FAAH2: variants seen among roughly 807,000 people sequenced by gnomAD.
The protein encoded by FAAH2 is fatty acid amide hydrolase 2, also known as fatty-acid amide hydrolase 2.
FAAH2 carries 60 observed loss-of-function variants against 36.9 expected under a neutral mutation model. The observed-to-expected ratio is 1.63, with a 90% CI of 1.32 to 2.02. The LOEUF (loss-of-function observed/expected upper bound fraction) is 2.02, where lower values mean the gene tolerates loss of function less well. Among genes scored for constraint, FAAH2 ranks in the 30% most tolerant of loss-of-function variants. FAAH2 has a pLI of 0.00. For synonymous variants in FAAH2, 214 were observed against 143.8 expected, an observed-to-expected ratio of 1.49 and a Z score of -3.49; for missense variants, 689 against 397.5, an observed-to-expected ratio of 1.73 and a Z score of -6.23.
chrX:57,150,596 T>C, the FAAH2 span, among the ~76,000 whole-genome samples: 2 of 112,053 alleles, frequency 1.8e-5, no homozygotes, highest in Non-Finnish European at 3.8e-5. Context: ...TGCCCTTTTT[T>C]GTTTTCCATT....
chrX:57,391,764 T>C (rs2055171871), intron 7 of FAAH2, among the ~76,000 whole-genome samples: 1 of 111,268 alleles, frequency 9.0e-6, no homozygotes, highest in East Asian at 2.8e-4. Flanking sequence ...ATGTGGGGCC[T>C]CTTTTTTCTT....
chrX:57,294,995 G>A (rs931635682), intron 2 of FAAH2, among the ~76,000 whole-genome samples: 8 of 112,031 alleles, frequency 7.1e-5, no homozygotes, highest in African/African-American at 2.3e-4. Flanking sequence ...GCAAACTGAG[G>A]GAACACCCTA....
At chrX:57,153,465 G>T in the FAAH2 span, among the ~76,000 whole-genome samples, 2 of 111,743 alleles carry the variant, frequency 1.8e-5, no homozygotes, top group Admixed American at 1.9e-4. Context: ...GGTTCTGTGA[G>T]ATTTATGCTT....
At chrX:57,171,228 A>T in the FAAH2 span, among the ~76,000 whole-genome samples, 1 of 111,808 alleles carries the variant, frequency 8.9e-6, no homozygotes, top group African/African-American at 3.3e-5. Context: ...ATACACATAC[A>T]GGTGTCTTTT....
the FAAH2 span, among the ~76,000 whole-genome samples, chrX:57,128,187 A>G: frequency 1.4e-4 from 16 of 111,247 alleles, 1 homozygote; most frequent in Non-Finnish European, 2.8e-4. Context: ...TCTTTTCTCA[A>G]TGTTGCCATA....
At chrX:57,441,581 G>A (rs781058735) in intron 8 of FAAH2, among the ~76,000 whole-genome samples, 1 of 103,678 alleles carries the variant, frequency 9.6e-6, no homozygotes, top group East Asian at 3.0e-4. Flanking sequence ...TTTTTGAAGC[G>A]TTTTTTTTTT....
the FAAH2 span, among the ~76,000 whole-genome samples, chrX:57,131,332 G>A: frequency 9.1e-6 from 1 of 109,766 alleles, no homozygotes; most frequent in East Asian, 2.9e-4. Context: ...TGATCCACCC[G>A]CCTCGGCCTC....
At chrX:57,224,932 G>A in the FAAH2 span, among the ~76,000 whole-genome samples, 1 of 111,767 alleles carries the variant, frequency 8.9e-6, no homozygotes, top group Non-Finnish European at 1.9e-5. Context: ...TGTGTGTAAA[G>A]GTGTTCATAT....
chrX:57,446,071 C>T (rs777293913), intron 8 of FAAH2, among the ~76,000 whole-genome samples: 58 of 112,147 alleles, frequency 5.2e-4, no homozygotes, highest in African/African-American at 1.8e-3. Flanking sequence ...ATAATTTTTC[C>T]CTATGTTGCA....
intron 5 of FAAH2, among the ~76,000 whole-genome samples, chrX:57,363,058 G>T (rs2054324842): frequency 9.0e-6 from 1 of 111,478 alleles, no homozygotes; most frequent in South Asian, 3.8e-4. Context: ...GGCTATTCGG[G>T]CTTTTCTTGG....
chrX:57,468,952 T>G (rs1324916228), intron 10 of FAAH2, among the ~76,000 whole-genome samples: 1 of 111,831 alleles, frequency 8.9e-6, no homozygotes, highest in Non-Finnish European at 1.9e-5. Flanking sequence ...TTCAACATTC[T>G]TAAAGAAAAG....
chrX:57,279,967 C>T, the FAAH2 span, among the ~76,000 whole-genome samples: 1 of 111,876 alleles, frequency 8.9e-6, no homozygotes, highest in African/African-American at 3.2e-5. Context: ...TCCTATTTTA[C>T]ATAGTATTGG....
chrX:57,170,912 G>A, the FAAH2 span, among the ~76,000 whole-genome samples: 1 of 109,009 alleles, frequency 9.2e-6, no homozygotes, highest in Non-Finnish European at 1.9e-5. Flanking sequence ...GTTTCACCAT[G>A]TTGGCCAGGC....
intron 10 of FAAH2, among the ~76,000 whole-genome samples, chrX:57,479,145 G>A (rs975819245): frequency 5.4e-5 from 6 of 111,075 alleles, no homozygotes; most frequent in Non-Finnish European, 1.1e-4. Flanking sequence ...CCATTTTTTT[G>A]TATCCTCTTT....
At chrX:57,225,667 G>A in the FAAH2 span, among the ~76,000 whole-genome samples, 2 of 111,858 alleles carry the variant, frequency 1.8e-5, no homozygotes, top group South Asian at 7.5e-4. Flanking sequence ...TTGTTCCAAG[G>A]TATAGTTTAA....
intron 10 of FAAH2, among the ~76,000 whole-genome samples, chrX:57,477,012 G>T (rs764343737): frequency 3.6e-5 from 4 of 110,307 alleles, no homozygotes; most frequent in Non-Finnish European, 7.6e-5. Context: ...ATTCTCTGAT[G>T]GTAATTTGTA....
chrX:57,408,092 C>CATTATTATT (rs754475679), intron 7 of FAAH2, among the ~76,000 whole-genome samples: 3 of 110,256 alleles, frequency 2.7e-5, no homozygotes, highest in African/African-American at 9.8e-5. Context: ...GATGCTTCCA[C>CATTATTATT]ATTATTATTA....
chrX:57,188,995 C>T, the FAAH2 span, among the ~76,000 whole-genome samples: 2 of 111,499 alleles, frequency 1.8e-5, no homozygotes, highest in Non-Finnish European at 3.8e-5. Flanking sequence ...AACTTGATTC[C>T]ATTCTCCCAG....
intron 7 of FAAH2, among the ~76,000 whole-genome samples, chrX:57,420,581 A>T (rs1211137430): frequency 9.1e-6 from 1 of 110,117 alleles, no homozygotes; most frequent in African/African-American, 3.3e-5. Flanking sequence ...GTATCCTGAG[A>T]CTTTGCTGAA....
Sources: allele counts gnomAD v4.1 joint callset (sites outside exome capture counted in the v4.1 genomes callset), GRCh38; gene constraint gnomAD v4.1.1; transcripts MANE v1.5; gene names NCBI Gene and HGNC (gene_info 2026-07-23, HGNC 2026-07-21).